Variants in PTGES3 observed in about 807,000 individuals in gnomAD.
The protein encoded by PTGES3 is prostaglandin E synthase 3, also known as Hsp90 co-chaperone.
A neutral mutation model predicts 29.9 loss-of-function variants in PTGES3; 5 were observed. The observed-to-expected ratio is 0.17, with a 90% CI of 0.09 to 0.35. PTGES3 has a LOEUF of 0.35. Among genes scored for constraint, PTGES3 ranks in the 10% least tolerant of loss-of-function variants. The pLI is 1.00. For missense variants in PTGES3, 128 were observed against 190.0 expected (o/e 0.67, Z 1.92); for synonymous variants, 49 against 57.8 (o/e 0.85, Z 0.69).
chr12:56,674,477 G>A (rs997666491), intron 1 of PTGES3, among the ~76,000 whole-genome samples: 8 of 151,458 alleles, frequency 5.3e-5, no homozygotes, highest in Non-Finnish European at 7.4e-5. Flanking sequence ...GATCACCTGA[G>A]GTCGAGAATT....
chr12:56,682,571 T>C (rs898332520), intron 1 of PTGES3, among the ~76,000 whole-genome samples: 1 of 151,662 alleles, frequency 6.6e-6, no homozygotes, highest in East Asian at 1.9e-4. Flanking sequence ...AGAAGAAATA[T>C]TCCCGGAAAA....
intron 6 of PTGES3, chr12:56,665,533 T>C (rs1951753211): frequency 1.0e-6 from 1 of 983,712 alleles, no homozygotes; most frequent in Non-Finnish European, 1.2e-6. Context: ...GACCGCATGA[T>C]CCACCCATCT....
chr12:56,688,031 T>C lies in PTGES3; in HGVS notation c.-32A>G. ...CGGGGCAGGGGGACGGGCGAACTGG[T>C]GGGCGGGCCTCTCTGGCGGCGGCTG... On this transcript the variant is annotated 5_prime_UTR_variant, in exon 1 of 8. Coordinates refer to ENST00000262033, the MANE Select transcript of PTGES3 (RefSeq NM_006601.7). 2 of 1,513,676 alleles carry C rather than the reference T, an allele frequency of 1.3e-6. No individual in the cohort carries two copies. The highest frequency in any genetic ancestry group is 1.2e-5 in the South Asian group (1 of 81,856). The allele number at this position is 1,513,676 out of a possible 1,614,324, so 93.8% of individuals were successfully genotyped here.
chr12:56,676,052 C>A (rs1592261757), intron 1 of PTGES3, among the ~76,000 whole-genome samples: 1 of 151,648 alleles, frequency 6.6e-6, no homozygotes, highest in East Asian at 1.9e-4. Context: ...CGTGGAGAAA[C>A]CCCGTCTCTA....
chr12:56,669,006 A>ATTTTT, intron 5 of PTGES3, among the ~76,000 whole-genome samples: 1 of 64,580 alleles, frequency 1.5e-5, no homozygotes, highest in African/African-American at 6.2e-5. Context: ...TTTCACCATG[A>ATTTTT]ATTTTTTTTT....
Position 56,666,184 on chromosome 12 carries a change from A to G in PTGES3, c.438+20T>C, listed in dbSNP as rs1423058984. ...TTTAATAGTATGAAAGTAAACAGAA[A>G]AAAGAATTTTTAGACTTACATCATC... On this transcript the variant is annotated intron_variant, in intron 6 of 7. Transcript: ENST00000262033. 2 of 1,600,118 alleles carry G rather than the reference A, an allele frequency of 1.2e-6. No individual in the cohort carries two copies. The highest frequency in any genetic ancestry group is 1.7e-6 in the Non-Finnish European group (2 of 1,173,972).
At chr12:56,685,769 ACTTT>A (rs1311891727) in intron 1 of PTGES3, among the ~76,000 whole-genome samples, 11 of 90,754 alleles carry the variant, frequency 1.2e-4, no homozygotes, top group Admixed American at 8.0e-4. Flanking sequence ...TGCTACACTT[ACTTT>A]TTTTTTTTTT....
intron 5 of PTGES3, among the ~76,000 whole-genome samples, chr12:56,666,838 G>A (rs1442701150): frequency 1.3e-5 from 2 of 152,092 alleles, no homozygotes; most frequent in African/African-American, 4.8e-5. Context: ...TGTTGCCCAG[G>A]CTGGTCTCGA....
chr12:56,688,271 C>G lies in PTGES3; in HGVS notation c.-272G>C, dbSNP rs1243778935. On this transcript the variant is annotated 5_prime_UTR_variant, in exon 1 of 8. Coordinates refer to ENST00000262033, the MANE Select transcript of PTGES3 (RefSeq NM_006601.7). Reference sequence around the variant, plus strand: ...GAGAATGAACGTGCGTGCGTGCAAACGAGGGGTGGTGAGGCCGGGCGGCGG... The same window carrying G: ...GAGAATGAACGTGCGTGCGTGCAAAGGAGGGGTGGTGAGGCCGGGCGGCGG... 9.6e-6 allele frequency: 5 copies of G among 520,070 alleles called. No homozygotes were observed. Among genetic ancestry groups the G allele is most frequent in the African/African-American group, 2.0e-5 (1 of 50,080 alleles). 32.2% of individuals were successfully genotyped at this position (520,070 alleles called of 1,614,324 possible).
intron 1 of PTGES3, chr12:56,687,394 T>C: frequency 1.0e-6 from 1 of 987,082 alleles, no homozygotes; most frequent in Non-Finnish European, 1.2e-6. Flanking sequence ...GAGACTGGAG[T>C]TAGGAGGCGG....
At chr12:56,669,302 C>T (rs2137602061) in intron 5 of PTGES3, among the ~76,000 whole-genome samples, 1 of 152,290 alleles carries the variant, frequency 6.6e-6, no homozygotes, top group East Asian at 1.9e-4. Context: ...AAGTGATTTT[C>T]CTGCCTCGGC....
intron 1 of PTGES3, among the ~76,000 whole-genome samples, chr12:56,681,864 AAG>A (rs1166434285): frequency 4.6e-5 from 7 of 151,812 alleles, no homozygotes; most frequent in South Asian, 2.1e-4. Context: ...CTCAAAAAAA[AAG>A]AGTCTCACTC....
intron 4 of PTGES3, chr12:56,670,695 A>G (rs188306820): frequency 3.2e-5 from 7 of 221,280 alleles, no homozygotes; most frequent in South Asian, 1.8e-4. Context: ...CTCCCACTTC[A>G]CCCTCCAGAG....
chr12:56,685,710 ATT>A (rs1195147871), intron 1 of PTGES3, among the ~76,000 whole-genome samples: 1 of 139,844 alleles, frequency 7.2e-6, no homozygotes, highest in African/African-American at 2.7e-5. Flanking sequence ...TGAAAGTAGC[ATT>A]TTTATTTTTT....
chr12:56,675,551 GA>G, intron 1 of PTGES3, among the ~76,000 whole-genome samples: 1 of 147,242 alleles, frequency 6.8e-6, no homozygotes, highest in East Asian at 2.0e-4. Context: ...ATGTGAATGA[GA>G]TAAGAGATAT....
chr12:56,672,091 TA>T (rs1399742115), intron 3 of PTGES3, among the ~76,000 whole-genome samples: 1 of 152,166 alleles, frequency 6.6e-6, no homozygotes, highest in African/African-American at 2.4e-5. Flanking sequence ...CAATAAAGTT[TA>T]AAGTTTAACC....
At chr12:56,664,930 G>A (rs1951731545) in intron 6 of PTGES3, 130 bp from the exon 7 acceptor site, 1 of 1,426,402 alleles carries the variant, frequency 7.0e-7, no homozygotes. Context: ...ATCAAGCCTA[G>A]AAATTTAGTC....
intron 4 of PTGES3, 174 bp from the exon 5 acceptor site, chr12:56,670,538 A>T (rs1439980491): frequency 5.2e-6 from 3 of 574,112 alleles, no homozygotes; most frequent in Non-Finnish European, 9.3e-6. Context: ...GTGAGTTTTG[A>T]CCAGCTCCGT....
At chr12:56,669,440 C>T (rs1029427513) in intron 5 of PTGES3, among the ~76,000 whole-genome samples, 22 of 152,146 alleles carry the variant, frequency 1.4e-4, no homozygotes, top group African/African-American at 5.3e-4. Context: ...CCCGCCACTG[C>T]ACCCGGCTAA....
Sources: gnomAD v4.1 joint callset for allele counts (sites outside exome capture counted in the v4.1 genomes callset) on GRCh38, gnomAD v4.1.1 for gene constraint, MANE v1.5 for transcripts, NCBI Gene and HGNC (gene_info 2026-07-23, HGNC 2026-07-21) for gene names.